SDK1: variants seen among roughly 807,000 people sequenced by gnomAD.
SDK1 encodes sidekick cell adhesion molecule 1, also known as protein sidekick-1.
Under a neutral mutation model 245.5 loss-of-function variants are expected in SDK1, and 157 were observed. That is an observed-to-expected ratio of 0.64 (90% CI 0.56 to 0.73). The LOEUF (loss-of-function observed/expected upper bound fraction) is 0.73, where lower values mean the gene tolerates loss of function less well. SDK1 is among the 30% of genes least tolerant of loss of function. The pLI is 0.00. For missense variants in SDK1, 3,583 were observed against 3,002.3 expected, an observed-to-expected ratio of 1.19 and a Z score of -4.52; for synonymous variants, 1,647 against 1,278.5, an observed-to-expected ratio of 1.29 and a Z score of -6.15.
At chr7:3,660,874 A>G (rs1422214212) in intron 4 of SDK1, among the ~76,000 whole-genome samples, 1 of 152,252 alleles carries the variant, frequency 6.6e-6, no homozygotes, top group East Asian at 1.9e-4. Flanking sequence ...ATTCATTATT[A>G]GATGAGGTAA....
At chr7:3,325,818 C>T (rs1301107375) in intron 1 of SDK1, among the ~76,000 whole-genome samples, 1 of 152,050 alleles carries the variant, frequency 6.6e-6, no homozygotes, top group Admixed American at 6.6e-5. Context: ...ACTAGTTTTT[C>T]CTGTGCAGAA....
chr7:3,567,709 T>C (rs1680859950), intron 1 of SDK1, among the ~76,000 whole-genome samples: 1 of 152,230 alleles, frequency 6.6e-6, no homozygotes, highest in Admixed American at 6.5e-5. Context: ...CTTTGGTTCT[T>C]TTTTGGTTCC....
chr7:3,512,817 T>TC (rs1782625372), intron 1 of SDK1, among the ~76,000 whole-genome samples: 1 of 152,188 alleles, frequency 6.6e-6, no homozygotes. Context: ...CTGTTTTTTT[T>TC]CCATTTAACG....
chr7:3,579,785 G>T (rs532081884), intron 1 of SDK1, among the ~76,000 whole-genome samples: 2 of 152,238 alleles, frequency 1.3e-5, no homozygotes, highest in East Asian at 1.9e-4. Flanking sequence ...GGCAAAGAAA[G>T]GGCATCCAAA....
At chr7:3,995,151 A>G (rs988560437) in intron 14 of SDK1, among the ~76,000 whole-genome samples, 5 of 152,176 alleles carry the variant, frequency 3.3e-5, no homozygotes, top group Admixed American at 1.3e-4. Flanking sequence ...GCCACTCACC[A>G]TTCTGCTTTC....
intron 25 of SDK1, among the ~76,000 whole-genome samples, chr7:4,116,626 C>T (rs1400695327): frequency 6.6e-6 from 1 of 152,222 alleles, no homozygotes; most frequent in Non-Finnish European, 1.5e-5. Flanking sequence ...TAACTTTCAG[C>T]CACCAGCACC....
chr7:4,153,060 CAG>C (rs1177890004), intron 30 of SDK1, among the ~76,000 whole-genome samples: 3 of 152,180 alleles, frequency 2.0e-5, no homozygotes, highest in East Asian at 1.9e-4. Context: ...TGTGCGGGCT[CAG>C]GGGGTGGCTG....
At chr7:3,960,970 A>G (rs1040836663) in intron 8 of SDK1, among the ~76,000 whole-genome samples, 2 of 152,262 alleles carry the variant, frequency 1.3e-5, no homozygotes, top group African/African-American at 4.8e-5. Context: ...GCCCCAAAAT[A>G]GAAATACTCC....
At chr7:3,728,709 A>G (rs1180924613) in intron 4 of SDK1, among the ~76,000 whole-genome samples, 4 of 152,148 alleles carry the variant, frequency 2.6e-5, no homozygotes, top group African/African-American at 7.2e-5. Flanking sequence ...GGGCTCAAGC[A>G]GTTCTCCTGC....
At chr7:3,330,961 G>A (rs1324629001) in intron 1 of SDK1, among the ~76,000 whole-genome samples, 1 of 151,680 alleles carries the variant, frequency 6.6e-6, no homozygotes, top group African/African-American at 2.4e-5. Flanking sequence ...GTAAGACCCT[G>A]TCTCTTAAAA....
intron 4 of SDK1, among the ~76,000 whole-genome samples, chr7:3,658,097 G>T (rs185684594): frequency 6.6e-6 from 1 of 152,308 alleles, no homozygotes; most frequent in East Asian, 1.9e-4. Context: ...CATCTGTAGA[G>T]TGCAGGTGAT....
chr7:4,070,932 G>A (rs573692966), intron 20 of SDK1, among the ~76,000 whole-genome samples: 7 of 151,696 alleles, frequency 4.6e-5, no homozygotes, highest in African/African-American at 1.4e-4. Flanking sequence ...GGATGGTCTC[G>A]ATCTCCTGAC....
At chr7:3,560,969 C>T (rs375604945) in intron 1 of SDK1, among the ~76,000 whole-genome samples, 2 of 152,218 alleles carry the variant, frequency 1.3e-5, no homozygotes, top group African/African-American at 4.8e-5. Context: ...TTCGCACCAA[C>T]CCCCAAACAT....
At chr7:3,998,048 G>T (rs1427502844) in intron 14 of SDK1, among the ~76,000 whole-genome samples, 2 of 152,234 alleles carry the variant, frequency 1.3e-5, no homozygotes, top group African/African-American at 4.8e-5. Flanking sequence ...GCCCAAGAGG[G>T]CAGGGATCCT....
chr7:3,404,268 A>G (rs1249173177), intron 1 of SDK1, among the ~76,000 whole-genome samples: 1 of 152,154 alleles, frequency 6.6e-6, no homozygotes, highest in African/African-American at 2.4e-5. Flanking sequence ...GTGCAGTAAG[A>G]CAAGGTGTGC....
At chr7:3,441,295 T>G (rs190022082) in intron 1 of SDK1, among the ~76,000 whole-genome samples, 1 of 152,280 alleles carries the variant, frequency 6.6e-6, no homozygotes, top group African/African-American at 2.4e-5. Flanking sequence ...TACTATCTGG[T>G]TTCAGGCATT....
At chr7:3,434,765 T>C (rs980194454) in intron 1 of SDK1, among the ~76,000 whole-genome samples, 1 of 152,068 alleles carries the variant, frequency 6.6e-6, no homozygotes, top group East Asian at 1.9e-4. Context: ...CTTTTGGGGT[T>C]CAGAGTTGGA....
chr7:4,227,299 T>C (rs1785500691), intron 40 of SDK1: 3 of 461,234 alleles, frequency 6.5e-6, no homozygotes, highest in Admixed American at 2.4e-5. Flanking sequence ...CATAAGCGTG[T>C]TTCTGACAGC....
At chr7:3,309,403 T>C (rs931131522) in intron 1 of SDK1, among the ~76,000 whole-genome samples, 1 of 151,812 alleles carries the variant, frequency 6.6e-6, no homozygotes, top group Non-Finnish European at 1.5e-5. Context: ...GATTCACCAC[T>C]TTTTAGTATG....
Sources: allele counts gnomAD v4.1 joint callset (sites outside exome capture counted in the v4.1 genomes callset), GRCh38; gene constraint gnomAD v4.1.1; transcripts MANE v1.5; gene names NCBI Gene and HGNC (gene_info 2026-07-23, HGNC 2026-07-21).